ASPH: variants seen among roughly 807,000 people sequenced by gnomAD.
ASPH encodes the protein aspartyl/asparaginyl beta-hydroxylase.
Under a neutral mutation model 118.4 loss-of-function variants are expected in ASPH, and 100 were observed. The observed-to-expected ratio is 0.84, with a 90% CI of 0.72 to 1.00. ASPH has a LOEUF of 1.00. Ranked by LOEUF, ASPH falls within the 50% of genes least tolerant of loss-of-function variation. The probability of loss-of-function intolerance (pLI) is 0.00; values close to 1 mark genes in which losing one functional copy is unlikely to be tolerated. For synonymous variants in ASPH, 315 were observed against 325.6 expected, an observed-to-expected ratio of 0.97 and a Z score of 0.35; for missense variants, 920 against 919.5, an observed-to-expected ratio of 1.00 and a Z score of -0.01.
intron 13 of ASPH, chr8:61,624,264 A>T: frequency 1.0e-6 from 1 of 985,416 alleles, no homozygotes; most frequent in Non-Finnish European, 1.2e-6. Flanking sequence ...TGTCCAGGGA[A>T]TAATCAAAAC....
chr8:61,684,008 C>A (rs1384927224), intron 2 of ASPH, 31 bp downstream of exon 2: 1 of 1,606,808 alleles, frequency 6.2e-7, no homozygotes. Flanking sequence ...TACTCTCTTA[C>A]AAATTCACAT....
chr8:61,677,464 A>C (rs968221820), intron 3 of ASPH, among the ~76,000 whole-genome samples: 1 of 152,108 alleles, frequency 6.6e-6, no homozygotes, highest in Non-Finnish European at 1.5e-5. Context: ...GGCAACACAC[A>C]ATGTCTCCAT....
intron 10 of ASPH, among the ~76,000 whole-genome samples, chr8:61,639,554 T>C (rs1804081443): frequency 6.6e-6 from 1 of 152,330 alleles, no homozygotes; most frequent in East Asian, 1.9e-4. Flanking sequence ...TTCATCTTTT[T>C]CTTAGCCGTC....
At position 61,502,454 on chromosome 8, in the gene ASPH, A is replaced by G. The variant is rs1805103336; in HGVS notation, c.*905T>C. On this transcript the variant is annotated 3_prime_UTR_variant, in exon 25 of 25. Transcript: ENST00000379454. ...CCAGCCCTTGCCTCATGGATGGCAA[A>G]GCCGCCAGGAGCCAGACACCCTAGC... is the stretch of plus-strand genomic sequence containing the variant. 1 of 152,224 alleles carries G rather than the reference A, an allele frequency of 6.6e-6. No individual in the cohort carries two copies. Among genetic ancestry groups the G allele is most frequent in the Non-Finnish European group, 1.5e-5 (1 of 68,056 alleles). The allele number at this position is 152,224 out of a possible 1,614,324, so 9.4% of individuals were successfully genotyped here.
intron 14 of ASPH, among the ~76,000 whole-genome samples, chr8:61,610,434 T>C (rs1017601825): frequency 2.0e-5 from 3 of 152,038 alleles, no homozygotes; most frequent in African/African-American, 7.3e-5. Flanking sequence ...AAAATTGCCA[T>C]AATTAAACTT....
chr8:61,585,319 A>G (rs1182416643), intron 14 of ASPH, among the ~76,000 whole-genome samples: 1 of 152,174 alleles, frequency 6.6e-6, no homozygotes, highest in African/African-American at 2.4e-5. Flanking sequence ...CAAGAGTGGA[A>G]GCTTGAAGGG....
intron 13 of ASPH, among the ~76,000 whole-genome samples, chr8:61,622,786 A>C (rs1487036170): frequency 1.3e-5 from 2 of 152,152 alleles, no homozygotes; most frequent in Admixed American, 1.3e-4. Flanking sequence ...GGCTTTGCTC[A>C]CTTGCAGGCA....
At chr8:61,636,347 T>C (rs1857729442) in intron 12 of ASPH, among the ~76,000 whole-genome samples, 1 of 152,128 alleles carries the variant, frequency 6.6e-6, no homozygotes, top group Admixed American at 6.5e-5. Context: ...GGGAGTCTAT[T>C]AACAGGTCTT....
At chr8:61,523,251 A>G (rs1445113711) in intron 22 of ASPH, among the ~76,000 whole-genome samples, 1 of 151,482 alleles carries the variant, frequency 6.6e-6, no homozygotes, top group Non-Finnish European at 1.5e-5. Context: ...CCTGACATGG[A>G]TGCCATCCTG....
At chr8:61,700,824 A>G (rs566860512) in intron 1 of ASPH, among the ~76,000 whole-genome samples, 1 of 152,372 alleles carries the variant, frequency 6.6e-6, no homozygotes, top group Admixed American at 6.5e-5. Context: ...TTGTTTGTAT[A>G]ATGCATTGCA....
In ASPH at chr8:61,515,066, A is replaced by G. The variant is rs183840516; in HGVS notation, c.2126+2462T>C. Among the ~76,000 whole-genome samples, 525 of 151,640 alleles carry G rather than the reference A, an allele frequency of 3.5e-3. 6 individuals carry two copies. The highest frequency in any genetic ancestry group is 0.012 in the African/African-American group (499 of 41,334). The stretch of plus-strand genomic sequence containing the variant: ...AGAAGGGAGGGAGGGAGGGAGAGAG[A>G]AAAAATAGGAGGTAGGAGGTGAGGG... On this transcript the variant is annotated intron_variant, in intron 24 of 24. Coordinates refer to ENST00000379454, the MANE Select transcript of ASPH (RefSeq NM_004318.4).
intron 13 of ASPH, among the ~76,000 whole-genome samples, chr8:61,628,873 C>T (rs1445200159): frequency 7.9e-5 from 12 of 152,154 alleles, no homozygotes; most frequent in Admixed American, 7.9e-4. Context: ...ACAGCAGCTG[C>T]TCAATATATA....
rs530633999 is a variant in ASPH, at chr8:61,543,619, C to A, written c.1764+4452G>T. On this transcript the variant is annotated intron_variant, in intron 21 of 24. Transcript: ENST00000379454. ...TTGTTTAGTAAGTTCAGCATCAGGG[C>A]CCCTCACAGGCAGTTTCTATTGACT... Among the ~76,000 whole-genome samples the A allele has an allele frequency of 8.5e-5, 13 of 152,260 alleles. No individual in the cohort carries two copies. In the South Asian group the frequency reaches 2.7e-3, roughly 32 times the overall value.
chr8:61,551,508 T>C (rs953566799), intron 20 of ASPH, among the ~76,000 whole-genome samples: 1 of 152,230 alleles, frequency 6.6e-6, no homozygotes, highest in South Asian at 2.1e-4. Context: ...ACTGTGCTGT[T>C]CTTTGCATAT....
chr8:61,653,923 C>T (rs915155198), intron 3 of ASPH, among the ~76,000 whole-genome samples: 2 of 152,134 alleles, frequency 1.3e-5, no homozygotes, highest in African/African-American at 4.8e-5. Context: ...ATCTCTAAAA[C>T]AGTCATGTCT....
chr8:61,625,339 C>T (rs1349327378), intron 13 of ASPH: 8 of 985,748 alleles, frequency 8.1e-6, no homozygotes, highest in African/African-American at 1.7e-5. Flanking sequence ...CAGCTCAAGG[C>T]GTTACTGAGT....
intron 10 of ASPH, among the ~76,000 whole-genome samples, chr8:61,641,498 A>G (rs1805103055): frequency 6.6e-6 from 1 of 152,102 alleles, no homozygotes; most frequent in Non-Finnish European, 1.5e-5. Flanking sequence ...CTCGGCCCCA[A>G]ATCTTCCTGT....
At chr8:61,621,734 C>G (rs905740768) in intron 13 of ASPH, among the ~76,000 whole-genome samples, 1 of 152,194 alleles carries the variant, frequency 6.6e-6, no homozygotes, top group Non-Finnish European at 1.5e-5. Context: ...ATTTCAGAGA[C>G]TATATTCCAT....
chr8:61,573,618 A>G (rs182384309), intron 16 of ASPH, among the ~76,000 whole-genome samples: 1 of 152,236 alleles, frequency 6.6e-6, no homozygotes, highest in East Asian at 1.9e-4. Flanking sequence ...TGGGGAAAGG[A>G]TTCCCTATTT....
Sources: allele counts gnomAD v4.1 joint callset (sites outside exome capture counted in the v4.1 genomes callset), GRCh38; gene constraint gnomAD v4.1.1; transcripts MANE v1.5; gene names NCBI Gene and HGNC (gene_info 2026-07-23, HGNC 2026-07-21).